OTOL1: variants seen among roughly 807,000 people sequenced by gnomAD.
OTOL1 encodes the protein otolin-1.
A neutral mutation model predicts 25.0 loss-of-function variants in OTOL1; 31 were observed. The observed-to-expected ratio is 1.24, with a 90% CI of 0.93 to 1.67. The LOEUF is 1.67. Ranked by LOEUF, OTOL1 falls within the 40% of genes most tolerant of loss-of-function variation. The pLI is 0.00. For synonymous variants in OTOL1, 225 were observed against 210.3 expected (o/e 1.07, Z -0.61); for missense variants, 654 against 587.7 (o/e 1.11, Z -1.17).
Position 161,503,742 on chromosome 3 carries a change from C to A in OTOL1, c.1234C>A (p.Gln412Lys), listed in dbSNP as rs752141723. 2 of 1,613,842 alleles carry A rather than the reference C, an allele frequency of 1.2e-6. No homozygotes were observed. The highest frequency in any genetic ancestry group is 1.1e-5 in the South Asian group (1 of 91,056). ...RISLVAQNKK[Q>K]FKSRETLYGQ... ...CAGTCTGGTGGCCCAGAATAAGAAG[C>A]AGTTCAAGTCCAGAGAAACTCTCTA... is the stretch of plus-strand genomic sequence containing the variant. Residue 412 changes from glutamine to lysine, a missense_variant, in exon 4 of 4, where the codon CAG becomes AAG. Physicochemically the swap from Gln to Lys is moderately conservative, Grantham distance 53. Transcript: ENST00000327928.
intron 1 of OTOL1, among the ~76,000 whole-genome samples, chr3:161,498,390 T>C (rs1235551886): frequency 2.6e-5 from 4 of 152,156 alleles, no homozygotes; most frequent in African/African-American, 9.7e-5. Flanking sequence ...GTTATTACCC[T>C]GCCTGGGGAG....
intron 1 of OTOL1, among the ~76,000 whole-genome samples, chr3:161,498,340 C>T (rs1012095042): frequency 2.0e-5 from 3 of 152,068 alleles, no homozygotes; most frequent in African/African-American, 7.2e-5. Context: ...TTCATTCTCT[C>T]CTCTAAATAT....
chr3:161,502,898 T>C (rs537521801), intron 3 of OTOL1, 128 bp from the exon 4 acceptor site: 5 of 639,544 alleles, frequency 7.8e-6, no homozygotes, highest in South Asian at 1.5e-4. Context: ...GTGTGCACAG[T>C]TTTTACTGAG....
At chr3:161,497,673 G>A (rs1718870295) in intron 1 of OTOL1, among the ~76,000 whole-genome samples, 1 of 152,130 alleles carries the variant, frequency 6.6e-6, no homozygotes, top group Non-Finnish European at 1.5e-5. Flanking sequence ...TTGTAGTTAG[G>A]ATTAGAAATG....
Position 161,503,499 on chromosome 3 carries a change from A to G in OTOL1, c.991A>G (p.Lys331Glu). The change falls in exon 4 of 4, where the codon AAA becomes GAA. Residue 331 changes from lysine (K) to glutamate (E), a missense_variant. By Grantham distance (56) the Lys-to-Glu change is moderately conservative (BLOSUM62 1). Coordinates refer to ENST00000327928, the MANE Select transcript of OTOL1 (RefSeq NM_001080440.1). ...TGGGAAGAAGGGCTCTCGGGGCTTT[A>G]AAGGCTCCAAGGGTGAGTTGGCTAG... is the stretch of plus-strand genomic sequence containing the variant. ...PTGKKGSRGF[K>E]GSKGELARVP... is the part of the protein sequence containing the mutation. 1 of 1,613,842 alleles carries G rather than the reference A, an allele frequency of 6.2e-7. No individual in the cohort carries two copies. Among genetic ancestry groups the G allele is most frequent in the Non-Finnish European group, 8.5e-7 (1 of 1,179,836 alleles).
intron 2 of OTOL1, among the ~76,000 whole-genome samples, chr3:161,500,062 T>C (rs1175567979): frequency 6.6e-6 from 1 of 152,150 alleles, no homozygotes; most frequent in African/African-American, 2.4e-5. Flanking sequence ...AATTCCTCAG[T>C]GAATACCAGC....
intron 1 of OTOL1, 123 bp downstream of exon 1, chr3:161,497,294 T>A (rs1479709323): frequency 8.8e-7 from 1 of 1,135,092 alleles, no homozygotes; most frequent in Non-Finnish European, 1.2e-6. Context: ...CAGGTCTAGG[T>A]GTCACATTGT....
At chr3:161,498,478 C>T (rs942340499) in intron 1 of OTOL1, among the ~76,000 whole-genome samples, 3 of 152,124 alleles carry the variant, frequency 2.0e-5, no homozygotes, top group African/African-American at 7.2e-5. Context: ...TATCTTGGTC[C>T]TACTTAGGGA....
chr3:161,499,388 AC>A, intron 2 of OTOL1, 128 bp downstream of exon 2: 1 of 693,254 alleles, frequency 1.4e-6, no homozygotes, highest in Non-Finnish European at 2.4e-6. Context: ...TTGATAAAGC[AC>A]ATTATATTTG....
rs1304106677 is a variant in OTOL1, at chr3:161,503,299, A to T, written c.791A>T (p.Glu264Val). The T allele has an allele frequency of 6.6e-7, 1 of 1,512,828 alleles. No homozygotes were observed. The highest frequency in any genetic ancestry group is 1.4e-5 in the African/African-American group (1 of 71,324). 93.7% of individuals were successfully genotyped at this position (1,512,828 alleles called of 1,614,324 possible). A position where few individuals can be genotyped will look rare whatever the true frequency, so the allele number is the denominator to read the frequency against. The change falls in exon 4 of 4, where the codon GAA (glutamate) becomes GTA (valine). Residue 264 changes from glutamate (E) to valine (V), a missense_variant. Physicochemically the swap from Glu to Val is moderately radical, Grantham distance 121. Transcript: ENST00000327928. ...GQKGEGGMKG[E>V]KGSKGDSGME... is the part of the protein sequence containing the mutation. ...AAAGGTGAGGGGGGTATGAAAGGGG[A>T]AAAAGGTAGCAAAGGAGACAGTGGA...
chr3:161,499,310 T>C (rs1265446845), intron 2 of OTOL1, 50 bp downstream of exon 2: 3 of 1,401,404 alleles, frequency 2.1e-6, no homozygotes, highest in Non-Finnish European at 2.9e-6. Context: ...GCATCATTTT[T>C]CAGGAGAGCA....
At chr3:161,501,952 C>T (rs569355772) in intron 2 of OTOL1, among the ~76,000 whole-genome samples, 6 of 152,242 alleles carry the variant, frequency 3.9e-5, no homozygotes, top group East Asian at 1.9e-4. Context: ...CTGCAATCTC[C>T]ACCTCCTGAG....
intron 1 of OTOL1, among the ~76,000 whole-genome samples, chr3:161,498,204 G>A (rs1205551053): frequency 6.6e-6 from 1 of 152,110 alleles, no homozygotes; most frequent in Non-Finnish European, 1.5e-5. Context: ...GCTTGGCGGT[G>A]AAAATCCCAA....
chr3:161,500,245 G>A (rs949542392), intron 2 of OTOL1, among the ~76,000 whole-genome samples: 4 of 152,134 alleles, frequency 2.6e-5, no homozygotes, highest in East Asian at 1.9e-4. Context: ...TAAGGGAAGA[G>A]AGAGCTACTT....
At position 161,503,247 on chromosome 3, in the gene OTOL1, T is replaced by A. The variant is rs568118499; in HGVS notation, c.739T>A (p.Ser247Thr). 2.4e-4 allele frequency: 321 copies of A among 1,329,282 alleles called. No homozygotes were observed. Among genetic ancestry groups the A allele is most frequent in the Non-Finnish European group, 3.0e-4 (306 of 1,034,952 alleles). The allele number at this position is 1,329,282 out of a possible 1,614,324, so 82.3% of individuals were successfully genotyped here. ...GGGGGATAAGGGCTGCTGTGGAGAT[T>A]CTGGGGAGAGGGGAGGAAAAGGACA... Reference protein sequence around the residue: ...EMGDKGCCGDSGERGGKGQKG... With the variant: ...EMGDKGCCGDTGERGGKGQKG... Residue 247 changes from serine to threonine, a missense_variant, in exon 4 of 4, where the codon TCT becomes ACT. By Grantham distance (58) the Ser-to-Thr change is moderately conservative (BLOSUM62 1). Coordinates refer to ENST00000327928, the MANE Select transcript of OTOL1 (RefSeq NM_001080440.1).
chr3:161,499,479 C>G (rs917369901), intron 2 of OTOL1, among the ~76,000 whole-genome samples: 3 of 152,134 alleles, frequency 2.0e-5, no homozygotes, highest in African/African-American at 7.2e-5. Flanking sequence ...TGCATGCAGG[C>G]ACACAGATTG....
chr3:161,498,283 G>A (rs1718884245), intron 1 of OTOL1, among the ~76,000 whole-genome samples: 1 of 152,048 alleles, frequency 6.6e-6, no homozygotes, highest in South Asian at 2.1e-4. Flanking sequence ...GTAACATCAG[G>A]GCTTTTGTTT....
At position 161,496,920 on chromosome 3, in the gene OTOL1, G is replaced by A; in HGVS notation, c.113G>A (p.Arg38Lys). 6.2e-7 allele frequency: 1 copy of A among 1,613,464 alleles called. No individual in the cohort carries two copies. The highest frequency in any genetic ancestry group is 1.1e-5 in the South Asian group (1 of 91,066). Residue 38 changes from arginine (R) to lysine (K), a missense_variant, in exon 1 of 4, where the codon AGA (arginine) becomes AAA (lysine). Transcript: ENST00000327928. ...HTKFTKKSEEREMPKGLKPSS... is the reference protein window; with the variant it reads ...HTKFTKKSEEKEMPKGLKPSS... ...AAATTTACGAAGAAATCTGAGGAAAGAGAGATGCCAAAGGGTCTAAAGCCA... is the reference window on the plus strand; with the variant it reads ...AAATTTACGAAGAAATCTGAGGAAAAAGAGATGCCAAAGGGTCTAAAGCCA...
chr3:161,501,877 C>T (rs1380470759), intron 2 of OTOL1, among the ~76,000 whole-genome samples: 1 of 152,036 alleles, frequency 6.6e-6, no homozygotes, highest in Non-Finnish European at 1.5e-5. Context: ...ACCCTCAATA[C>T]ATTTTTTTTG....
Sources: allele counts gnomAD v4.1 joint callset (sites outside exome capture counted in the v4.1 genomes callset), GRCh38; gene constraint gnomAD v4.1.1; transcripts MANE v1.5; gene names NCBI Gene and HGNC (gene_info 2026-07-23, HGNC 2026-07-21).